Variants in CADM2 observed in about 807,000 individuals in gnomAD.
CADM2 encodes cell adhesion molecule 2.
A neutral mutation model predicts 49.8 loss-of-function variants in CADM2; 12 were observed. The observed-to-expected ratio is 0.24, with a 90% CI of 0.15 to 0.39. The LOEUF (loss-of-function observed/expected upper bound fraction) is 0.39, where lower values mean the gene tolerates loss of function less well. CADM2 is among the 10% of genes least tolerant of loss of function. The pLI, the probability that CADM2 is intolerant of heterozygous loss-of-function variation, is 1.00. For missense variants in CADM2, 378 were observed against 492.3 expected (o/e 0.77, Z 2.20); for synonymous variants, 214 against 175.4 (o/e 1.22, Z -1.74).
chr3:85,612,807 A>T (rs1330014589), intron 1 of CADM2, among the ~76,000 whole-genome samples: 1 of 151,742 alleles, frequency 6.6e-6, no homozygotes, highest in African/African-American at 2.4e-5. Flanking sequence ...TTGGCAGCAA[A>T]TTTTTGTTAT....
intron 1 of CADM2, among the ~76,000 whole-genome samples, chr3:85,062,400 CATTA>C (rs1320445525): frequency 1.3e-5 from 2 of 151,898 alleles, no homozygotes; most frequent in Non-Finnish European, 2.9e-5. Context: ...TTAATAGCAA[CATTA>C]ATTAAGTATA....
intron 3 of CADM2, among the ~76,000 whole-genome samples, chr3:85,864,379 A>AT (rs2075648742): frequency 6.6e-6 from 1 of 152,164 alleles, no homozygotes; most frequent in Non-Finnish European, 1.5e-5. Flanking sequence ...CTTTGCATTT[A>AT]TCTTTATGAG....
At chr3:85,601,642 G>A (rs1471907857) in intron 1 of CADM2, among the ~76,000 whole-genome samples, 2 of 150,914 alleles carry the variant, frequency 1.3e-5, no homozygotes, top group African/African-American at 2.4e-5. Context: ...TTAAAAAAAC[G>A]TTTATATTCA....
At chr3:84,990,659 C>T (rs1447550767) in intron 1 of CADM2, among the ~76,000 whole-genome samples, 1 of 151,818 alleles carries the variant, frequency 6.6e-6, no homozygotes, top group African/African-American at 2.4e-5. Flanking sequence ...TCAATGAAAA[C>T]GAGTAGGAGG....
rs577380550 is a variant in CADM2 at position 85,886,219 on chromosome 3, T to G, written c.421T>G (p.Phe141Val). The G allele has an allele frequency of 6.2e-7, 1 of 1,613,696 alleles. No individual in the cohort carries two copies. The highest frequency in any genetic ancestry group is 1.3e-5 in the African/African-American group (1 of 75,032). ...TCCTGAAAAGCCTCAGATTAGTGGA[T>G]TCTCATCACCAGTTATGGAGGGTGA... ...GVPEKPQISG[F>V]SSPVMEGDLM... Residue 141 changes from phenylalanine to valine, a missense_variant, in exon 5 of 10, where the codon TTC (phenylalanine) becomes GTC (valine). Phe to Val is a conservative substitution (Grantham distance 50). Coordinates refer to ENST00000383699, the MANE Select transcript of CADM2 (RefSeq NM_001167675.2).
intron 1 of CADM2, among the ~76,000 whole-genome samples, chr3:85,169,118 A>AGTTTTGTTTTGTTCT (rs1340606362): frequency 6.6e-6 from 1 of 151,792 alleles, no homozygotes; most frequent in African/African-American, 2.4e-5. Flanking sequence ...AAGCCCAGCT[A>AGTTTTGTTTTGTTCT]GTTTTGTTTT....
chr3:84,970,808 C>T (rs141357717), intron 1 of CADM2, among the ~76,000 whole-genome samples: 4 of 151,960 alleles, frequency 2.6e-5, no homozygotes. Context: ...GCAGAATAAA[C>T]CTTCTCTAAC....
intron 1 of CADM2, among the ~76,000 whole-genome samples, chr3:85,549,361 A>G (rs1486805057): frequency 6.6e-6 from 1 of 152,180 alleles, no homozygotes; most frequent in African/African-American, 2.4e-5. Context: ...ATTGAGACAC[A>G]TGTCTGATAC....
chr3:85,750,011 T>C (rs890832011), intron 2 of CADM2, among the ~76,000 whole-genome samples: 1 of 152,028 alleles, frequency 6.6e-6, no homozygotes, highest in Non-Finnish European at 1.5e-5. Flanking sequence ...CTTCTCCTTT[T>C]AGGTGATGTA....
intron 1 of CADM2, among the ~76,000 whole-genome samples, chr3:85,019,181 G>C (rs541825092): frequency 6.6e-6 from 1 of 152,276 alleles, no homozygotes; most frequent in African/African-American, 2.4e-5. Context: ...AATGTTCCCA[G>C]TTTTGGCACT....
intron 1 of CADM2, among the ~76,000 whole-genome samples, chr3:85,696,031 G>T (rs1577105146): frequency 6.6e-6 from 1 of 152,054 alleles, no homozygotes; most frequent in East Asian, 1.9e-4. Context: ...GCAATGTTTA[G>T]CATTTTTCAT....
Position 86,069,488 on chromosome 3 carries a change from A to T in CADM2, c.*2705A>T, listed in dbSNP as rs1739652395. The T allele has an allele frequency of 6.6e-6, 1 of 152,012 alleles. No homozygotes were observed. Among genetic ancestry groups the T allele is most frequent in the Non-Finnish European group, 1.5e-5 (1 of 67,896 alleles). 9.4% of individuals were successfully genotyped at this position (152,012 alleles called of 1,614,324 possible). On this transcript the variant is annotated 3_prime_UTR_variant, in exon 10 of 10. Transcript: ENST00000383699. ...TGAAGTCATATTTTCATACCTTTAA[A>T]AATTATTTAATTTTCAACCAAACAA...
At chr3:85,551,608 A>T (rs1376122344) in intron 1 of CADM2, among the ~76,000 whole-genome samples, 1 of 152,186 alleles carries the variant, frequency 6.6e-6, no homozygotes, top group African/African-American at 2.4e-5. Context: ...AGGGTTGTCT[A>T]CTTAAAGAAA....
intron 1 of CADM2, among the ~76,000 whole-genome samples, chr3:85,499,184 T>C (rs1331908631): frequency 6.6e-6 from 1 of 152,166 alleles, no homozygotes; most frequent in East Asian, 1.9e-4. Context: ...CATACTGATG[T>C]TCTTCAAGGA....
intron 1 of CADM2, among the ~76,000 whole-genome samples, chr3:85,429,425 A>G (rs1384122350): frequency 6.6e-6 from 1 of 152,134 alleles, no homozygotes; most frequent in African/African-American, 2.4e-5. Flanking sequence ...AAATATGAGC[A>G]ATCAACTGGT....
intron 1 of CADM2, among the ~76,000 whole-genome samples, chr3:85,314,565 G>C (rs1459135629): frequency 3.9e-5 from 6 of 152,006 alleles, no homozygotes; most frequent in Admixed American, 3.3e-4. Flanking sequence ...AAAGAAACAT[G>C]TGTAAATAAT....
At chr3:85,810,882 T>A (rs993599493) in intron 3 of CADM2, among the ~76,000 whole-genome samples, 10 of 152,160 alleles carry the variant, frequency 6.6e-5, no homozygotes, top group Non-Finnish European at 1.3e-4. Flanking sequence ...TTGCTGAAGA[T>A]GAAGCCATTA....
chr3:86,039,119 A>G (rs910590646), intron 8 of CADM2, among the ~76,000 whole-genome samples: 2 of 152,174 alleles, frequency 1.3e-5, no homozygotes, highest in Non-Finnish European at 2.9e-5. Flanking sequence ...GAACAGCTCC[A>G]GTCTACAGCT....
intron 1 of CADM2, among the ~76,000 whole-genome samples, chr3:84,994,480 T>A (rs536798237): frequency 6.6e-6 from 1 of 152,302 alleles, no homozygotes; most frequent in African/African-American, 2.4e-5. Flanking sequence ...TCAGTCACTA[T>A]TTCTGTGTCC....
Sources: allele counts gnomAD v4.1 joint callset (sites outside exome capture counted in the v4.1 genomes callset), GRCh38; gene constraint gnomAD v4.1.1; transcripts MANE v1.5; gene names NCBI Gene and HGNC (gene_info 2026-07-23, HGNC 2026-07-21).